CSMD1: variants seen among roughly 807,000 people sequenced by gnomAD.
CSMD1 encodes CUB and Sushi multiple domains 1.
Under a neutral mutation model 417.5 loss-of-function variants are expected in CSMD1, and 213 were observed. That is an observed-to-expected ratio of 0.51 (90% CI 0.46 to 0.57). The LOEUF (loss-of-function observed/expected upper bound fraction) is 0.57, where lower values mean the gene tolerates loss of function less well. Among genes scored for constraint, CSMD1 ranks in the 20% least tolerant of loss-of-function variants. The pLI, the probability that CSMD1 is intolerant of heterozygous loss-of-function variation, is 0.00. For synonymous variants in CSMD1, 2,862 were observed against 1,736.8 expected, an observed-to-expected ratio of 1.65 and a Z score of -16.11; for missense variants, 6,923 against 4,529.7, an observed-to-expected ratio of 1.53 and a Z score of -15.17.
intron 2 of CSMD1, among the ~76,000 whole-genome samples, chr8:4,440,918 A>T (rs1012069701): frequency 6.6e-6 from 1 of 150,518 alleles, no homozygotes; most frequent in African/African-American, 2.4e-5. Context: ...AATCACTTGA[A>T]CCCGGGAGGC....
chr8:4,502,811 C>T (rs1249318162), intron 2 of CSMD1, among the ~76,000 whole-genome samples: 1 of 152,052 alleles, frequency 6.6e-6, no homozygotes, highest in Non-Finnish European at 1.5e-5. Context: ...ACCAGTAAAT[C>T]CCCAGTGTGT....
chr8:3,166,735 T>G (rs1820243965), intron 37 of CSMD1, among the ~76,000 whole-genome samples: 1 of 151,930 alleles, frequency 6.6e-6, no homozygotes, highest in Admixed American at 6.6e-5. Flanking sequence ...AACATAGGTA[T>G]CTAGGAAGAC....
chr8:3,287,593 G>A (rs1161702582), intron 25 of CSMD1, among the ~76,000 whole-genome samples: 1 of 152,022 alleles, frequency 6.6e-6, no homozygotes, highest in Admixed American at 6.6e-5. Context: ...TCATGATTTG[G>A]CTCTCTGTTT....
intron 3 of CSMD1, among the ~76,000 whole-genome samples, chr8:4,368,063 A>G (rs1190910386): frequency 6.6e-6 from 1 of 152,158 alleles, no homozygotes; most frequent in Non-Finnish European, 1.5e-5. Context: ...AATAGTGGTC[A>G]AAGTGCGCAT....
chr8:3,578,688 C>A (rs574546504), intron 9 of CSMD1, among the ~76,000 whole-genome samples: 88 of 152,184 alleles, frequency 5.8e-4, no homozygotes, highest in African/African-American at 2.0e-3. Context: ...TGCAAAGAAC[C>A]GATTGGGCAG....
At chr8:3,713,245 G>T (rs1443587424) in intron 6 of CSMD1, among the ~76,000 whole-genome samples, 1 of 152,098 alleles carries the variant, frequency 6.6e-6, no homozygotes, top group Non-Finnish European at 1.5e-5. Context: ...TACATCAGCT[G>T]CCTTCACTAT....
intron 23 of CSMD1, among the ~76,000 whole-genome samples, chr8:3,317,522 A>T (rs545632390): frequency 6.6e-6 from 1 of 152,188 alleles, no homozygotes; most frequent in East Asian, 1.9e-4. Context: ...GTTTTGTTGT[A>T]CTCACTTCTT....
At chr8:4,692,000 T>G (rs1806797532) in intron 1 of CSMD1, among the ~76,000 whole-genome samples, 1 of 152,218 alleles carries the variant, frequency 6.6e-6, no homozygotes, top group South Asian at 2.1e-4. Flanking sequence ...CCATCTTCAG[T>G]GCCCTCTTGT....
At chr8:4,497,891 G>A (rs139694431) in intron 2 of CSMD1, among the ~76,000 whole-genome samples, 16 of 152,212 alleles carry the variant, frequency 1.1e-4, no homozygotes, top group African/African-American at 2.6e-4. Flanking sequence ...TCCTGTTGGC[G>A]TTTGAATGCA....
At chr8:3,704,896 C>G (rs1357936375) in intron 7 of CSMD1, 1 of 152,238 alleles carries the variant, frequency 6.6e-6, no homozygotes, top group African/African-American at 2.4e-5. Context: ...ATGAACAGGA[C>G]TTTGGGTGGA....
At chr8:4,082,822 T>G (rs2009181261) in intron 3 of CSMD1, among the ~76,000 whole-genome samples, 1 of 137,470 alleles carries the variant, frequency 7.3e-6, no homozygotes, top group African/African-American at 2.7e-5. Context: ...TGTCCATGCA[T>G]TCTCATTATT....
chr8:4,733,504 C>A (rs1166027920), intron 1 of CSMD1, among the ~76,000 whole-genome samples: 1 of 152,150 alleles, frequency 6.6e-6, no homozygotes, highest in African/African-American at 2.4e-5. Flanking sequence ...TACACATAAT[C>A]CTCTCAATGG....
chr8:3,430,872 C>A (rs1814176204), intron 12 of CSMD1, among the ~76,000 whole-genome samples: 1 of 152,092 alleles, frequency 6.6e-6, no homozygotes, highest in Admixed American at 6.6e-5. Flanking sequence ...CTATTGTTTA[C>A]CTTATTTTAC....
intron 1 of CSMD1, among the ~76,000 whole-genome samples, chr8:4,852,274 G>A (rs1382767562): frequency 6.6e-6 from 1 of 152,270 alleles, no homozygotes. Flanking sequence ...GGGCCTTGTG[G>A]GAGGTGCTGG....
chr8:3,246,423 T>A (rs1235013223), intron 26 of CSMD1, among the ~76,000 whole-genome samples: 1 of 152,178 alleles, frequency 6.6e-6, no homozygotes, highest in Non-Finnish European at 1.5e-5. Flanking sequence ...TCTCACATAT[T>A]AAACTCTTCT....
At chr8:3,845,181 A>G (rs559687201) in intron 5 of CSMD1, among the ~76,000 whole-genome samples, 1 of 152,360 alleles carries the variant, frequency 6.6e-6, no homozygotes, top group East Asian at 1.9e-4. Flanking sequence ...TAGAAAACAC[A>G]TACCGTTAGG....
intron 2 of CSMD1, among the ~76,000 whole-genome samples, chr8:4,623,917 G>C (rs1462678121): frequency 2.0e-5 from 3 of 152,024 alleles, no homozygotes; most frequent in African/African-American, 7.3e-5. Flanking sequence ...GCTTGATGGT[G>C]GTGGTGTTCC....
At chr8:4,365,621 C>T (rs532209709) in intron 3 of CSMD1, among the ~76,000 whole-genome samples, 1 of 152,186 alleles carries the variant, frequency 6.6e-6, no homozygotes, top group Non-Finnish European at 1.5e-5. Flanking sequence ...GATTTGTTTA[C>T]TCTGAACACT....
At chr8:3,325,437 T>C (rs1474810073) in intron 23 of CSMD1, among the ~76,000 whole-genome samples, 1 of 152,226 alleles carries the variant, frequency 6.6e-6, no homozygotes, top group African/African-American at 2.4e-5. Context: ...ATAATTACAT[T>C]ATTTATGTCA....
Sources: gnomAD v4.1 joint callset for allele counts (sites outside exome capture counted in the v4.1 genomes callset) on GRCh38, gnomAD v4.1.1 for gene constraint, MANE v1.5 for transcripts, NCBI Gene and HGNC (gene_info 2026-07-23, HGNC 2026-07-21) for gene names.